CWC22: variants seen among roughly 807,000 people sequenced by gnomAD.
The protein encoded by CWC22 is CWC22 spliceosome associated protein.
CWC22 carries 53 observed loss-of-function variants against 117.2 expected under a neutral mutation model. That is an observed-to-expected ratio of 0.45 (90% CI 0.36 to 0.57). The LOEUF (loss-of-function observed/expected upper bound fraction) is 0.57, where lower values mean the gene tolerates loss of function less well. Among genes scored for constraint, CWC22 ranks in the 20% least tolerant of loss-of-function variants. The probability of loss-of-function intolerance (pLI) is 0.00; values close to 1 mark genes in which losing one functional copy is unlikely to be tolerated. For synonymous variants in CWC22, 360 were observed against 355.6 expected (o/e 1.01, Z -0.14); for missense variants, 980 against 1,068.8 (o/e 0.92, Z 1.16).
intron 2 of CWC22, among the ~76,000 whole-genome samples, chr2:179,990,198 GT>G (rs1392202010): frequency 6.6e-6 from 1 of 152,008 alleles, no homozygotes; most frequent in Non-Finnish European, 1.5e-5. Flanking sequence ...TTAAAATTCT[GT>G]ATCTAATATA....
Position 179,988,569 on chromosome 2 carries a change from C to G in CWC22, c.95+8G>C, listed in dbSNP as rs373558950. The G allele has an allele frequency of 3.7e-4, 525 of 1,410,074 alleles. 1 individual carries two copies. Among genetic ancestry groups the G allele is most frequent in the Admixed American group, 6.3e-4 (31 of 48,930 alleles). 87.3% of individuals were successfully genotyped at this position (1,410,074 alleles called of 1,614,324 possible). A position where few individuals can be genotyped will look rare whatever the true frequency, so the allele number is the denominator to read the frequency against. On this transcript the variant is annotated splice_region_variant and intron_variant, in intron 3 of 19. Coordinates refer to ENST00000410053, the MANE Select transcript of CWC22 (RefSeq NM_020943.3). ...TACATTGCATTCAGAGCATATTAAACTATTTACCTGTCTTCTGGAGAGGAG... is the reference window on the plus strand; with the variant it reads ...TACATTGCATTCAGAGCATATTAAAGTATTTACCTGTCTTCTGGAGAGGAG...
chr2:179,950,774 A>C, intron 18 of CWC22, 42 bp from the exon 19 acceptor site: 1 of 1,600,564 alleles, frequency 6.2e-7, no homozygotes, highest in Admixed American at 1.7e-5. Flanking sequence ...TTCAAAGACA[A>C]TTATGAGATA....
At chr2:179,972,734 G>A (rs1370809521) in intron 8 of CWC22, among the ~76,000 whole-genome samples, 1 of 152,126 alleles carries the variant, frequency 6.6e-6, no homozygotes, top group East Asian at 1.9e-4. Context: ...ATGGCCAGGC[G>A]TGGTGGCTCA....
chr2:179,977,035 G>A (rs2105535236), intron 6 of CWC22, among the ~76,000 whole-genome samples: 1 of 151,928 alleles, frequency 6.6e-6, no homozygotes, highest in East Asian at 1.9e-4. Context: ...GAGTGCTTGC[G>A]GTCCCAGCTA....
chr2:179,988,681 T>C (rs1226438620), intron 2 of CWC22, 37 bp from the exon 3 acceptor site: 1 of 1,143,696 alleles, frequency 8.7e-7, no homozygotes, highest in Non-Finnish European at 1.2e-6. Flanking sequence ...TTTCAAAAAT[T>C]ATTTATGTTA....
chr2:179,967,511 A>G (rs1293509718), intron 11 of CWC22, among the ~76,000 whole-genome samples: 1 of 152,186 alleles, frequency 6.6e-6, no homozygotes, highest in East Asian at 1.9e-4. Flanking sequence ...GACATCTGTG[A>G]TGATGATCCA....
rs1330431184 is a variant in CWC22, at chr2:179,993,321, C to G, written c.21G>C (p.Gln7His). 6.4e-7 allele frequency: 1 copy of G among 1,565,824 alleles called. No homozygotes were observed. The highest frequency in any genetic ancestry group is 8.7e-7 in the Non-Finnish European group (1 of 1,152,478). ...TTAAGTTTCAAACACTTACTTTTAT[C>G]TGTGCCACACTACTTTTCATTTTCT... MKSSVA[Q>H]IKPSSGHDRR... is the part of the protein sequence containing the mutation. Residue 7 changes from glutamine to histidine, a missense_variant, in exon 2 of 20, where the codon CAG (glutamine) becomes CAC (histidine). Physicochemically the swap from Gln to His is conservative, Grantham distance 24. Around this residue, in one of 3 missense-constraint regions of CWC22, gnomAD observed 559 missense variants for 602.3 expected, o/e 0.93. Coordinates refer to ENST00000410053, the MANE Select transcript of CWC22 (RefSeq NM_020943.3).
intron 1 of CWC22, among the ~76,000 whole-genome samples, chr2:180,005,449 C>T (rs1687948196): frequency 6.6e-6 from 1 of 152,052 alleles, no homozygotes; most frequent in Non-Finnish European, 1.5e-5. Context: ...TGGTGGCGGG[C>T]ACCTTAGTCC....
At chr2:179,949,159 C>T (rs1686384646) in intron 19 of CWC22, among the ~76,000 whole-genome samples, 1 of 152,158 alleles carries the variant, frequency 6.6e-6, no homozygotes, top group Non-Finnish European at 1.5e-5. Flanking sequence ...TGTTCTACAG[C>T]TACTTTCTCC....
At chr2:179,951,579 A>C (rs1686449212) in intron 17 of CWC22, among the ~76,000 whole-genome samples, 1 of 152,150 alleles carries the variant, frequency 6.6e-6, no homozygotes. Flanking sequence ...TAGATCAATA[A>C]GACAGGAGAA....
At chr2:179,972,792 G>A (rs1016305306) in intron 8 of CWC22, among the ~76,000 whole-genome samples, 24 of 152,090 alleles carry the variant, frequency 1.6e-4, no homozygotes, top group African/African-American at 5.8e-4. Flanking sequence ...TGGATCACGA[G>A]TTCAGGAGAT....
chr2:179,997,200 C>A (rs530356795), intron 1 of CWC22, among the ~76,000 whole-genome samples: 1 of 129,890 alleles, frequency 7.7e-6, no homozygotes, highest in Non-Finnish European at 1.7e-5. Flanking sequence ...ATAGAACTAG[C>A]GACCAAAATG....
chr2:179,955,792 TTTC>T (rs1337490312), intron 14 of CWC22, among the ~76,000 whole-genome samples: 2 of 152,024 alleles, frequency 1.3e-5, no homozygotes, highest in Non-Finnish European at 1.5e-5. Flanking sequence ...AACAAATTAG[TTTC>T]TTAATTAATA....
In CWC22 at chr2:179,988,594, G is replaced by T; in HGVS notation, c.78C>A (p.Asn26Lys). The stretch of plus-strand genomic sequence containing the variant: ...CTATTTACCTGTCTTCTGGAGAGGA[G>T]TTCCTCTGATATGAATTAAGGTTTT... ...RRENLNSYQR[N>K]SSPEDRYEEQ... The change falls in exon 3 of 20, where the codon AAC (asparagine) becomes AAA (lysine). Residue 26 changes from asparagine (N) to lysine (K), a missense_variant. This residue lies in a region of CWC22 where 559 missense variants were observed against 602.3 expected (regional missense o/e 0.93). Coordinates refer to ENST00000410053, the MANE Select transcript of CWC22 (RefSeq NM_020943.3). 2 of 1,523,050 alleles carry T rather than the reference G, an allele frequency of 1.3e-6. No homozygotes were observed. The highest frequency in any genetic ancestry group is 1.4e-5 in the African/African-American group (1 of 72,664). The allele number at this position is 1,523,050 out of a possible 1,614,324, so 94.3% of individuals were successfully genotyped here.
chr2:179,954,232 A>G lies in CWC22; in HGVS notation c.1662T>C (p.Leu554=), dbSNP rs1180078168. The G allele has an allele frequency of 6.2e-7, 1 of 1,611,890 alleles. No homozygotes were observed. Among genetic ancestry groups the G allele is most frequent in the Non-Finnish European group, 8.5e-7 (1 of 1,178,542 alleles). The part of the protein sequence containing the change: ...LRNVAKMFAH[L]LYTDSLPWSV... ...TCCATGGAAGTGAATCAGTGTATAA[A>G]AGGTGAGCAAACATCTTAGCAACAT... The change falls in exon 16 of 20, where the codon CTT becomes CTC. Residue 554 remains leucine (L), a synonymous_variant. Transcript: ENST00000410053.
chr2:179,974,776 G>A (rs566258006), intron 6 of CWC22, among the ~76,000 whole-genome samples: 1 of 152,220 alleles, frequency 6.6e-6, no homozygotes, highest in African/African-American at 2.4e-5. Flanking sequence ...GGGAGAGACA[G>A]GGTCTCACTC....
intron 1 of CWC22, among the ~76,000 whole-genome samples, chr2:179,998,093 G>A (rs1687753735): frequency 6.6e-6 from 1 of 152,044 alleles, no homozygotes; most frequent in Non-Finnish European, 1.5e-5. Flanking sequence ...GTATTCCCAA[G>A]GTAACTCCAA....
At position 179,970,965 on chromosome 2, in the gene CWC22, G is replaced by C. The variant is rs1687018649; in HGVS notation, c.916C>G (p.Gln306Glu). 1 of 1,612,712 alleles carries C rather than the reference G, an allele frequency of 6.2e-7. No homozygotes were observed. The highest frequency in any genetic ancestry group is 8.5e-7 in the Non-Finnish European group (1 of 1,179,286). The change falls in exon 9 of 20, where the codon CAA becomes GAA. Residue 306 changes from glutamine (Q) to glutamate (E), a missense_variant. This residue lies in a region of CWC22 where 559 missense variants were observed against 602.3 expected (regional missense o/e 0.93). Transcript: ENST00000410053. ...FLKECGLKLTQVSPRGINAIF... is the reference protein window; with the variant it reads ...FLKECGLKLTEVSPRGINAIF... ...CCATTGATTCCTCTTGGTGACACTT[G>C]TGTTAATTTGAGGCCACATTCCTTA... is the stretch of plus-strand genomic sequence containing the variant.
At chr2:179,987,461 TG>T (rs1687447036) in intron 3 of CWC22, among the ~76,000 whole-genome samples, 1 of 151,562 alleles carries the variant, frequency 6.6e-6, no homozygotes, top group South Asian at 2.1e-4. Flanking sequence ...CACAAATACC[TG>T]TGTGTGTGTG....
Sources: gnomAD v4.1 joint callset for allele counts (sites outside exome capture counted in the v4.1 genomes callset) on GRCh38, gnomAD v4.1.1 for gene constraint, gnomAD v4.1.1 regional missense constraint, MANE v1.5 for transcripts, NCBI Gene and HGNC (gene_info 2026-07-23, HGNC 2026-07-21) for gene names.